Variants in URB2 observed in about 807,000 individuals in gnomAD.
The protein encoded by URB2 is URB2 ribosome biogenesis homolog, also known as unhealthy ribosome biogenesis protein 2 homolog.
Under a neutral mutation model 120.9 loss-of-function variants are expected in URB2, and 86 were observed. The ratio of observed to expected loss-of-function variants is 0.71; its 90% confidence interval spans 0.60 to 0.85. The LOEUF is 0.85. Among genes scored for constraint, URB2 ranks in the 40% least tolerant of loss-of-function variants. The probability of loss-of-function intolerance (pLI) is 0.00; values close to 1 mark genes in which losing one functional copy is unlikely to be tolerated. For missense variants in URB2, 1,765 were observed against 1,836.5 expected (o/e 0.96, Z 0.71); for synonymous variants, 755 against 758.4 (o/e 1.00, Z 0.07).
At position 229,636,837 on chromosome 1, in the gene URB2, T is replaced by C; in HGVS notation, c.2224T>C (p.Leu742=). 1 of 1,611,644 alleles carries C rather than the reference T, an allele frequency of 6.2e-7. No homozygotes were observed. The highest frequency in any genetic ancestry group is 8.5e-7 in the Non-Finnish European group (1 of 1,178,008). Residue 742 remains leucine (L), a synonymous_variant, in exon 4 of 10, where the codon TTG becomes CTG. Transcript: ENST00000258243. ...CACATACCCTGTAGCACACTGGCACTTGATTGTGTCAAATCTCACAATTTT... is the reference window on the plus strand; with the variant it reads ...CACATACCCTGTAGCACACTGGCACCTGATTGTGTCAAATCTCACAATTTT... ...GLTYPVAHWH[L]IVSNLTILIS... is the part of the protein sequence containing the mutation.
intron 7 of URB2, among the ~76,000 whole-genome samples, chr1:229,650,370 G>A (rs143233020): frequency 6.6e-6 from 1 of 152,240 alleles, no homozygotes; most frequent in Non-Finnish European, 1.5e-5. Flanking sequence ...GACAGTGTGT[G>A]GTTGTGATTC....
Position 229,639,798 on chromosome 1 carries a change from G to A in URB2, c.3634+1551G>A, listed in dbSNP as rs543902937. ...GTCATCAAAGTGTTTTAGTCTGAAGGCAGCCTTCCAAGCAGCAAACTAGGA... is the reference window on the plus strand; with the variant it reads ...GTCATCAAAGTGTTTTAGTCTGAAGACAGCCTTCCAAGCAGCAAACTAGGA... On this transcript the variant is annotated intron_variant, in intron 4 of 9. Transcript: ENST00000258243. Among the ~76,000 whole-genome samples, 5 of 152,262 alleles carry A rather than the reference G, an allele frequency of 3.3e-5. No homozygotes were observed. The South Asian group carries it at 1.0e-3, about 32-fold the overall frequency.
Position 229,635,298 on chromosome 1 carries a change from C to T in URB2, c.685C>T (p.Leu229=). ...QAGQGQLRQV[L]SRDIRSQIEA... ...TGGCCAGGGCCAGCTGAGGCAGGTG[C>T]TGAGCCGGGACATCAGGAGTCAGAT... Residue 229 remains leucine (L), a synonymous_variant, in exon 4 of 10, where the codon CTG becomes TTG. Coordinates refer to ENST00000258243, the MANE Select transcript of URB2 (RefSeq NM_014777.4). 6.2e-7 allele frequency: 1 copy of T among 1,614,188 alleles called. No homozygotes were observed. Among genetic ancestry groups the T allele is most frequent in the Non-Finnish European group, 8.5e-7 (1 of 1,180,008 alleles).
intron 6 of URB2, among the ~76,000 whole-genome samples, chr1:229,647,104 T>C (rs1211505956): frequency 2.6e-5 from 4 of 152,174 alleles, no homozygotes; most frequent in African/African-American, 7.2e-5. Flanking sequence ...AACACTGGGC[T>C]AGAATCCACT....
intron 5 of URB2, among the ~76,000 whole-genome samples, chr1:229,644,723 C>T (rs895662275): frequency 3.3e-5 from 5 of 151,992 alleles, no homozygotes; most frequent in African/African-American, 9.7e-5. Context: ...AAGGCAGAAG[C>T]CAGGACTTTG....
rs1183468246 is a variant in URB2, at chr1:229,636,104, ACT to A, written c.1496_1497del (p.Ser499CysfsTer33). 2.5e-6 allele frequency: 4 copies of A among 1,614,220 alleles called. No individual in the cohort carries two copies. The highest frequency in any genetic ancestry group is 3.4e-6 in the Non-Finnish European group (4 of 1,180,044). Reference protein sequence around the residue: ...PVLASGPSTVLSACLLELPPS... With the variant: ...PVLASGPSTVXSACLLELPPS... ...TGCTGGCCTCGGGCCCCTCCACGGT[ACT>A]CTCTGCATGCCTCCTGGAGCTGCCT... On this transcript the variant is annotated frameshift_variant, in exon 4 of 10. Transcript: ENST00000258243. LOFTEE classifies it high-confidence loss of function.
In URB2 at chr1:229,647,628, A is replaced by C; in HGVS notation, c.4025A>C (p.His1342Pro). Residue 1342 changes from histidine to proline, a missense_variant, in exon 7 of 10, where the codon CAC becomes CCC. Coordinates refer to ENST00000258243, the MANE Select transcript of URB2 (RefSeq NM_014777.4). ...QGEEAIGNPHHVSLAFSILLT... is the reference protein window; with the variant it reads ...QGEEAIGNPHPVSLAFSILLT... Reference sequence around the variant, plus strand: ...GAGGAGGCCATCGGCAACCCCCACCACGTCAGCCTGGCCTTCAGCATCCTT... The same window carrying C: ...GAGGAGGCCATCGGCAACCCCCACCCCGTCAGCCTGGCCTTCAGCATCCTT... The C allele has an allele frequency of 6.2e-7, 1 of 1,614,170 alleles. No homozygotes were observed. The highest frequency in any genetic ancestry group is 8.5e-7 in the Non-Finnish European group (1 of 1,180,030).
Position 229,635,266 on chromosome 1 carries a change from C to G in URB2, c.653C>G (p.Thr218Arg). ...LRHLLSGGTW[T>R]QAGQGQLRQV... ...CACTTACTCTCTGGGGGCACATGGA[C>G]GCAGGCTGGCCAGGGCCAGCTGAGG... The change falls in exon 4 of 10, where the codon ACG (threonine) becomes AGG (arginine). Residue 218 changes from threonine to arginine, a missense_variant. Coordinates refer to ENST00000258243, the MANE Select transcript of URB2 (RefSeq NM_014777.4). The G allele has an allele frequency of 6.2e-7, 1 of 1,614,186 alleles. No individual in the cohort carries two copies. The highest frequency in any genetic ancestry group is 8.5e-7 in the Non-Finnish European group (1 of 1,180,046).
chr1:229,644,271 G>T (rs146204543), intron 5 of URB2, among the ~76,000 whole-genome samples: 11 of 152,380 alleles, frequency 7.2e-5, no homozygotes, highest in Non-Finnish European at 1.6e-4. Flanking sequence ...AGAGCCAATG[G>T]TTGGTGGGGC....
chr1:229,653,113 C>A (rs1186123991), intron 8 of URB2, among the ~76,000 whole-genome samples: 1 of 152,118 alleles, frequency 6.6e-6, no homozygotes, highest in Non-Finnish European at 1.5e-5. Context: ...AAGAAACAGT[C>A]AATGTTAGAT....
chr1:229,627,724 A>T lies in URB2; in HGVS notation c.91A>T (p.Ile31Phe). The change falls in exon 2 of 10, where the codon ATT (isoleucine) becomes TTT (phenylalanine). Residue 31 changes from isoleucine to phenylalanine, a missense_variant. Transcript: ENST00000258243. ...ACTAAAACTAGCTCACTTTGCTTGGATTTCTCACCAGTGCTTTCTTCCAAA... is the reference window on the plus strand; with the variant it reads ...ACTAAAACTAGCTCACTTTGCTTGGTTTTCTCACCAGTGCTTTCTTCCAAA... ...DKLKLAHFAW[I>F]SHQCFLPNKE... 3 of 1,612,360 alleles carry T rather than the reference A, an allele frequency of 1.9e-6. No individual in the cohort carries two copies. The South Asian group carries it at 3.3e-5, about 18-fold the overall frequency.
chr1:229,637,927 CGG>C lies in URB2; in HGVS notation c.3318_3319del (p.Ala1107ProfsTer65). On this transcript the variant is annotated frameshift_variant, in exon 4 of 10. Coordinates refer to ENST00000258243, the MANE Select transcript of URB2 (RefSeq NM_014777.4). LOFTEE classifies it high-confidence loss of function. ...GCTGTGCTGCAGCTCTGCTCAGTGC[CGG>C]GGGCCCGGGGCTGGCGCCTTCCCTC... 1.6e-5 allele frequency: 25 copies of C among 1,612,192 alleles called. No individual in the cohort carries two copies. Among genetic ancestry groups the C allele is most frequent in the Non-Finnish European group, 2.1e-5 (25 of 1,179,296 alleles).
rs1053385324 is a variant in URB2, at chr1:229,635,407, A to T, written c.794A>T (p.Asp265Val). ...GGGCTCTTGGACCAGCAGCAAGGGG[A>T]TGTGAAGACGGGAGCCATGAAGAAC... ...KEGLLDQQQGDVKTGAMKNLL... is the reference protein window; with the variant it reads ...KEGLLDQQQGVVKTGAMKNLL... Residue 265 changes from aspartate to valine, a missense_variant, in exon 4 of 10, where the codon GAT becomes GTT. Coordinates refer to ENST00000258243, the MANE Select transcript of URB2 (RefSeq NM_014777.4). 1.2e-6 allele frequency: 2 copies of T among 1,613,924 alleles called. No individual in the cohort carries two copies. The highest frequency in any genetic ancestry group is 3.3e-5 in the Admixed American group (2 of 59,988).
In URB2 at chr1:229,635,628, C is replaced by T. The variant is rs760969910; in HGVS notation, c.1015C>T (p.His339Tyr). The T allele has an allele frequency of 2.0e-5, 33 of 1,614,104 alleles. No individual in the cohort carries two copies. Among genetic ancestry groups the T allele is most frequent in the Non-Finnish European group, 1.8e-5 (21 of 1,180,028 alleles). Residue 339 changes from histidine to tyrosine, a missense_variant, in exon 4 of 10, where the codon CAC becomes TAC. Coordinates refer to ENST00000258243, the MANE Select transcript of URB2 (RefSeq NM_014777.4). ...PRLFGCLKISHLQEEQSKALS... is the reference protein window; with the variant it reads ...PRLFGCLKISYLQEEQSKALS... ...GTTGTTTGGCTGCTTGAAGATTTCA[C>T]ACCTGCAGGAGGAGCAGAGCAAAGC...
At position 229,637,041 on chromosome 1, in the gene URB2, G is replaced by A. The variant is rs752117755; in HGVS notation, c.2428G>A (p.Ala810Thr). The A allele has an allele frequency of 2.5e-5, 40 of 1,613,926 alleles. 1 individual carries two copies. In the Middle Eastern group the frequency reaches 6.6e-4, roughly 27 times the overall value. ...TCCAGAGATGCAGTCCCTTCATTCT[G>A]CTTTCTTAACGTGCGTAACCACAAG... Reference protein sequence around the residue: ...LFPEMQSLHSAFLTCVTTSCS... With the variant: ...LFPEMQSLHSTFLTCVTTSCS... Residue 810 changes from alanine (A) to threonine (T), a missense_variant, in exon 4 of 10, where the codon GCT (alanine) becomes ACT (threonine). Ala to Thr is a moderately conservative substitution (Grantham distance 58). Transcript: ENST00000258243.
intron 1 of URB2, among the ~76,000 whole-genome samples, chr1:229,627,001 G>C (rs976827821): frequency 2.0e-5 from 3 of 151,582 alleles, no homozygotes; most frequent in African/African-American, 7.3e-5. Flanking sequence ...GTAACTGTAG[G>C]TGTTTGGTAT....
At chr1:229,631,024 C>G (rs995360816) in intron 2 of URB2, among the ~76,000 whole-genome samples, 1 of 147,648 alleles carries the variant, frequency 6.8e-6, no homozygotes, top group African/African-American at 2.5e-5. Context: ...TGAATGGCAT[C>G]TTCCAATAGA....
intron 4 of URB2, among the ~76,000 whole-genome samples, chr1:229,640,624 G>A (rs775571067): frequency 2.0e-5 from 3 of 152,092 alleles, no homozygotes; most frequent in Non-Finnish European, 2.9e-5. Context: ...CGTGCCTTTC[G>A]GTACGTGAGG....
At chr1:229,633,490 G>A (rs1665720675) in intron 3 of URB2, among the ~76,000 whole-genome samples, 1 of 152,230 alleles carries the variant, frequency 6.6e-6, no homozygotes. Flanking sequence ...AGGAAAAATC[G>A]ATGAGTTGTA....
Sources: allele counts gnomAD v4.1 joint callset (sites outside exome capture counted in the v4.1 genomes callset), GRCh38; gene constraint gnomAD v4.1.1; transcripts MANE v1.5; gene names NCBI Gene and HGNC (gene_info 2026-07-23, HGNC 2026-07-21).